Variants in ARHGAP24 observed in about 807,000 individuals in gnomAD.
ARHGAP24 encodes the protein Rho GTPase activating protein 24.
ARHGAP24 carries 50 observed loss-of-function variants against 76.4 expected under a neutral mutation model. The observed-to-expected ratio is 0.65, with a 90% CI of 0.52 to 0.83. The LOEUF (loss-of-function observed/expected upper bound fraction) is 0.83, where lower values mean the gene tolerates loss of function less well. ARHGAP24 is among the 40% of genes least tolerant of loss of function. ARHGAP24 has a pLI of 0.00. For synonymous variants in ARHGAP24, 345 were observed against 323.3 expected, an observed-to-expected ratio of 1.07 and a Z score of -0.72; for missense variants, 930 against 914.2, an observed-to-expected ratio of 1.02 and a Z score of -0.22.
intron 2 of ARHGAP24, among the ~76,000 whole-genome samples, chr4:85,683,782 G>A (rs1299670718): frequency 6.6e-6 from 1 of 152,026 alleles, no homozygotes; most frequent in Non-Finnish European, 1.5e-5. Flanking sequence ...CCAGCTCCTG[G>A]CAACCATCTC....
At chr4:85,818,279 A>G (rs953030821) in intron 3 of ARHGAP24, among the ~76,000 whole-genome samples, 1 of 152,216 alleles carries the variant, frequency 6.6e-6, no homozygotes, top group African/African-American at 2.4e-5. Context: ...ACTGAGCCCT[A>G]TCTGGGACCC....
intron 5 of ARHGAP24, among the ~76,000 whole-genome samples, chr4:85,955,744 G>A (rs927361877): frequency 6.6e-6 from 1 of 152,212 alleles, no homozygotes; most frequent in Non-Finnish European, 1.5e-5. Flanking sequence ...ATGAAATGGG[G>A]AAAGGATAGC....
chr4:86,000,442 C>CGGGGGG, intron 9 of ARHGAP24, 37 bp from the exon 10 acceptor site: 1 of 807,894 alleles, frequency 1.2e-6, no homozygotes, highest in Non-Finnish European at 1.9e-6. Context: ...CTTACTCTTG[C>CGGGGGG]GTCCCCACCC....
chr4:85,996,993 T>G (rs1740700895), intron 9 of ARHGAP24, among the ~76,000 whole-genome samples: 1 of 152,172 alleles, frequency 6.6e-6, no homozygotes, highest in Non-Finnish European at 1.5e-5. Flanking sequence ...AGATCTACGG[T>G]ATATTTCAGA....
chr4:85,909,302 GT>G (rs1035331219), intron 3 of ARHGAP24, among the ~76,000 whole-genome samples: 1 of 150,382 alleles, frequency 6.6e-6, no homozygotes, highest in East Asian at 1.9e-4. Flanking sequence ...CTTTTGTTTT[GT>G]TTTTTTTAAT....
chr4:85,909,697 T>C (rs1553941516), intron 3 of ARHGAP24, among the ~76,000 whole-genome samples: 1 of 152,238 alleles, frequency 6.6e-6, no homozygotes, highest in Non-Finnish European at 1.5e-5. Context: ...CTGATTACTC[T>C]TTAATTTAAA....
intron 3 of ARHGAP24, among the ~76,000 whole-genome samples, chr4:85,901,923 G>C (rs1016065526): frequency 2.6e-5 from 4 of 151,910 alleles, no homozygotes; most frequent in African/African-American, 7.3e-5. Context: ...CCGTCATCAA[G>C]GTTTTAAGCC....
intron 3 of ARHGAP24, among the ~76,000 whole-genome samples, chr4:85,870,800 G>T (rs1457450543): frequency 6.6e-6 from 1 of 152,088 alleles, no homozygotes; most frequent in Non-Finnish European, 1.5e-5. Context: ...AGAATGTTCA[G>T]AAATATCAAG....
intron 3 of ARHGAP24, among the ~76,000 whole-genome samples, chr4:85,820,480 A>G (rs1345318328): frequency 6.6e-6 from 1 of 152,134 alleles, no homozygotes; most frequent in Non-Finnish European, 1.5e-5. Context: ...ACTAGGCCCT[A>G]CTTGAGGCTG....
intron 3 of ARHGAP24, among the ~76,000 whole-genome samples, chr4:85,837,626 G>A (rs1427130638): frequency 3.3e-5 from 5 of 152,152 alleles, no homozygotes; most frequent in Admixed American, 1.3e-4. Flanking sequence ...AGAGGACTCC[G>A]AGGTTGCAGT....
intron 3 of ARHGAP24, among the ~76,000 whole-genome samples, chr4:85,897,686 T>C (rs1734260707): frequency 6.6e-6 from 1 of 152,248 alleles, no homozygotes; most frequent in Non-Finnish European, 1.5e-5. Flanking sequence ...CTTTTATTTA[T>C]TTCTCCCTTT....
intron 1 of ARHGAP24, among the ~76,000 whole-genome samples, chr4:85,534,496 A>G (rs566470944): frequency 6.6e-6 from 1 of 152,298 alleles, no homozygotes; most frequent in Admixed American, 6.5e-5. Flanking sequence ...TGTGAGTGAC[A>G]TGTTTGCCTG....
intron 3 of ARHGAP24, among the ~76,000 whole-genome samples, chr4:85,874,810 AT>A (rs1262459920): frequency 2.2e-4 from 13 of 58,336 alleles, no homozygotes; most frequent in African/African-American, 1.0e-3. Context: ...TATAAAATAT[AT>A]TTATATATAA....
chr4:85,694,791 A>G (rs2110020783), intron 2 of ARHGAP24, among the ~76,000 whole-genome samples: 1 of 152,310 alleles, frequency 6.6e-6, no homozygotes, highest in South Asian at 2.1e-4. Context: ...CAAGTATATG[A>G]AAATATTAAA....
At chr4:85,827,908 C>T in intron 3 of ARHGAP24, 1 of 1,289,710 alleles carries the variant, frequency 7.8e-7, no homozygotes, top group Non-Finnish European at 1.0e-6. Context: ...AGAGCAGCTG[C>T]TCTGTCTCCC....
At chr4:85,912,942 C>T (rs559973774) in intron 3 of ARHGAP24, among the ~76,000 whole-genome samples, 4 of 151,626 alleles carry the variant, frequency 2.6e-5, no homozygotes, top group Admixed American at 6.6e-5. Flanking sequence ...TATGGATTGT[C>T]GAACCTTATT....
intron 2 of ARHGAP24, among the ~76,000 whole-genome samples, chr4:85,657,095 T>A (rs1320205821): frequency 6.6e-6 from 1 of 152,234 alleles, no homozygotes; most frequent in Non-Finnish European, 1.5e-5. Flanking sequence ...AATTTTTGTC[T>A]CGTTTTTATT....
chr4:85,709,901 G>A (rs1461065951), intron 2 of ARHGAP24, among the ~76,000 whole-genome samples: 1 of 152,082 alleles, frequency 6.6e-6, no homozygotes, highest in Non-Finnish European at 1.5e-5. Context: ...CCATGCTCAT[G>A]GATAGGAAGA....
intron 3 of ARHGAP24, among the ~76,000 whole-genome samples, chr4:85,724,505 A>G (rs1329427921): frequency 5.6e-5 from 1 of 17,896 alleles, no homozygotes; most frequent in Admixed American, 6.2e-4. Flanking sequence ...ATATATATAT[A>G]TATATATATA....
Sources: gnomAD v4.1 joint callset for allele counts (sites outside exome capture counted in the v4.1 genomes callset) on GRCh38, gnomAD v4.1.1 for gene constraint, MANE v1.5 for transcripts, NCBI Gene and HGNC (gene_info 2026-07-23, HGNC 2026-07-21) for gene names.